The following CHKA variants were observed in gnomAD, a reference collection of about 807,000 sequenced individuals.
CHKA encodes choline kinase alpha.
Under a neutral mutation model 60.1 loss-of-function variants are expected in CHKA, and 34 were observed. The observed-to-expected ratio is 0.57, with a 90% CI of 0.43 to 0.75. The LOEUF (loss-of-function observed/expected upper bound fraction) is 0.75. CHKA is among the 30% of genes least tolerant of loss of function. The pLI, the probability that CHKA is intolerant of heterozygous loss-of-function variation, is 0.00. For missense variants in CHKA, 563 were observed against 561.3 expected (o/e 1.00, Z -0.03); for synonymous variants, 217 against 223.1 (o/e 0.97, Z 0.24).
chr11:68,083,894 T>C (rs1318969659), intron 2 of CHKA, among the ~76,000 whole-genome samples: 5 of 152,072 alleles, frequency 3.3e-5, no homozygotes, highest in African/African-American at 4.8e-5. Context: ...TCAAACCAAG[T>C]GTATATTCAT....
At chr11:68,057,749 CATGACTCTTCAA>C (rs1010178583) in intron 11 of CHKA, among the ~76,000 whole-genome samples, 2 of 152,244 alleles carry the variant, frequency 1.3e-5, no homozygotes, top group African/African-American at 4.8e-5. Flanking sequence ...TTTTTCTCCA[CATGACTCTTCAA>C]ATGTTCTTGC....
chr11:68,068,251 G>A (rs1381179419), intron 7 of CHKA, among the ~76,000 whole-genome samples: 1 of 152,024 alleles, frequency 6.6e-6, no homozygotes, highest in African/African-American at 2.4e-5. Flanking sequence ...GGACTCAATG[G>A]GGTAGGCAGT....
At chr11:68,087,812 A>C (rs1026311613) in intron 2 of CHKA, among the ~76,000 whole-genome samples, 2 of 152,094 alleles carry the variant, frequency 1.3e-5, no homozygotes, top group African/African-American at 4.8e-5. Flanking sequence ...CCTATAAATA[A>C]ATAAGTAAGA....
At chr11:68,082,708 A>G (rs955244676) in intron 2 of CHKA, among the ~76,000 whole-genome samples, 3 of 152,234 alleles carry the variant, frequency 2.0e-5, no homozygotes, top group Admixed American at 6.5e-5. Context: ...AGTAAACAAA[A>G]TAAGTATCCA....
chr11:68,070,114 G>A (rs1172625017), intron 6 of CHKA, 75 bp downstream of exon 6: 6 of 1,071,826 alleles, frequency 5.6e-6, no homozygotes, highest in Middle Eastern at 4.5e-4. Context: ...CATAAGGCAA[G>A]CTCAATCAAT....
At chr11:68,059,288 G>C (rs1054846848) in intron 11 of CHKA, among the ~76,000 whole-genome samples, 13 of 152,122 alleles carry the variant, frequency 8.5e-5, no homozygotes, top group African/African-American at 3.1e-4. Flanking sequence ...ATTGGATCTT[G>C]TCAAATGCTT....
intron 11 of CHKA, among the ~76,000 whole-genome samples, chr11:68,055,209 A>C (rs1210903652): frequency 6.6e-6 from 1 of 152,228 alleles, no homozygotes; most frequent in African/African-American, 2.4e-5. Flanking sequence ...ACTGGTCAAC[A>C]CGGCGAAACC....
intron 1 of CHKA, among the ~76,000 whole-genome samples, chr11:68,104,382 G>A (rs554101461): frequency 1.4e-4 from 22 of 152,106 alleles, no homozygotes; most frequent in African/African-American, 5.3e-4. Context: ...TCAGATGGAA[G>A]GAATAAATTC....
At chr11:68,087,052 A>G (rs187710591) in intron 2 of CHKA, among the ~76,000 whole-genome samples, 338 of 152,366 alleles carry the variant, frequency 2.2e-3, no homozygotes, top group Admixed American at 4.6e-3. Flanking sequence ...GTATCTTTAA[A>G]CGTCCAATAC....
chr11:68,061,774 C>G (rs542667750), intron 11 of CHKA, 179 bp downstream of exon 11: 1 of 650,626 alleles, frequency 1.5e-6, no homozygotes, highest in African/African-American at 1.8e-5. Flanking sequence ...GCTTCTCCCC[C>G]GGCTTCCTGG....
intron 1 of CHKA, among the ~76,000 whole-genome samples, chr11:68,101,092 C>T (rs933434380): frequency 2.0e-5 from 3 of 151,706 alleles, no homozygotes; most frequent in East Asian, 1.9e-4. Context: ...GGACTACAGG[C>T]GCCCACCACC....
At chr11:68,059,086 G>A (rs908385867) in intron 11 of CHKA, among the ~76,000 whole-genome samples, 1 of 152,218 alleles carries the variant, frequency 6.6e-6, no homozygotes, top group South Asian at 2.1e-4. Flanking sequence ...GTAGAGACGG[G>A]GTTTCTCCGT....
Position 68,061,863 on chromosome 11 carries a change from A to T in CHKA, c.1314+90T>A, listed in dbSNP as rs1471531035. On this transcript the variant is annotated intron_variant, in intron 11 of 11. Transcript: ENST00000265689. ...AGACAGAGAACCCTCTGTAAGGAAC[A>T]GTCATTTGCTGCCAACATTCACAAA... The T allele has an allele frequency of 3.3e-6, 3 of 913,756 alleles. No homozygotes were observed. In the African/African-American group the frequency reaches 5.0e-5, roughly 15 times the overall value. The allele number at this position is 913,756 out of a possible 1,614,324, so 56.6% of individuals were successfully genotyped here.
chr11:68,099,375 CACAA>C (rs1453797921), intron 1 of CHKA, among the ~76,000 whole-genome samples: 4 of 152,174 alleles, frequency 2.6e-5, no homozygotes, highest in African/African-American at 9.7e-5. Flanking sequence ...GTGCTTCTAG[CACAA>C]ACAATTTTTT....
intron 2 of CHKA, chr11:68,082,377 C>T (rs1857015436): frequency 6.6e-6 from 1 of 152,574 alleles, no homozygotes; most frequent in Non-Finnish European, 1.5e-5. Flanking sequence ...AAAAATGTTA[C>T]TTGTTAAATT....
chr11:68,118,284 T>TA (rs1210123448), intron 1 of CHKA, among the ~76,000 whole-genome samples: 2 of 151,872 alleles, frequency 1.3e-5, no homozygotes, highest in African/African-American at 4.8e-5. Flanking sequence ...TCTACAAAAA[T>TA]ACAAAAATTA....
rs1388134635 is a variant in CHKA, at chr11:68,066,520, C to A, written c.929-4G>T. 1.9e-6 allele frequency: 3 copies of A among 1,611,434 alleles called. No individual in the cohort carries two copies. Among genetic ancestry groups the A allele is most frequent in the Non-Finnish European group, 1.7e-6 (2 of 1,177,668 alleles). ...CCTTCCAGCAACAAGATATTACCTGCAAAAGGTTTGGATAACATGGTTTAT... is the reference window on the plus strand; with the variant it reads ...CCTTCCAGCAACAAGATATTACCTGAAAAAGGTTTGGATAACATGGTTTAT... On this transcript the variant is annotated splice_polypyrimidine_tract_variant and splice_region_variant and intron_variant, in intron 7 of 11. Coordinates refer to ENST00000265689, the MANE Select transcript of CHKA (RefSeq NM_001277.3).
At chr11:68,102,404 A>C (rs1857759495) in intron 1 of CHKA, among the ~76,000 whole-genome samples, 1 of 152,236 alleles carries the variant, frequency 6.6e-6, no homozygotes, top group Non-Finnish European at 1.5e-5. Flanking sequence ...ATTAATCCAC[A>C]CTTACAGCTA....
chr11:68,084,402 GTA>G (rs1302044988), intron 2 of CHKA, among the ~76,000 whole-genome samples: 2 of 81,276 alleles, frequency 2.5e-5, no homozygotes, highest in Non-Finnish European at 4.6e-5. Flanking sequence ...ACACATATAC[GTA>G]TATATGTGTA....
Sources: allele counts gnomAD v4.1 joint callset (sites outside exome capture counted in the v4.1 genomes callset), GRCh38; gene constraint gnomAD v4.1.1; transcripts MANE v1.5; gene names NCBI Gene and HGNC (gene_info 2026-07-23, HGNC 2026-07-21).